MACF1: variants seen among roughly 807,000 people sequenced by gnomAD.
The protein encoded by MACF1 is microtubule-actin cross-linking factor 1.
In MACF1, 193 loss-of-function variants were observed where a neutral mutation model predicts 854.8. The ratio of observed to expected loss-of-function variants is 0.23; its 90% CI spans 0.20 to 0.25. MACF1 has a LOEUF of 0.25. MACF1 is among the 10% of genes least tolerant of loss of function. The pLI, the probability that MACF1 is intolerant of heterozygous loss-of-function variation, is 1.00. For missense variants in MACF1, 7,722 were observed against 8,929.1 expected (o/e 0.86, Z 5.45); for synonymous variants, 3,185 against 3,226.7 (o/e 0.99, Z 0.44).
chr1:39,453,647 A>C (rs1381262716), intron 87 of MACF1, 60 bp from the exon 88 acceptor site: 1 of 1,487,074 alleles, frequency 6.7e-7, no homozygotes, highest in Non-Finnish European at 9.4e-7. Flanking sequence ...CTCAGTGTAA[A>C]CTAACAGTGC....
chr1:39,417,745 T>A (rs1483647373), intron 58 of MACF1, among the ~76,000 whole-genome samples: 4 of 110,196 alleles, frequency 3.6e-5, no homozygotes, highest in Non-Finnish European at 6.9e-5. Flanking sequence ...TTTTTTTTTT[T>A]TTTTGGATTT....
At chr1:39,442,598 C>T in intron 77 of MACF1, 31 bp downstream of exon 77, 1 of 1,613,040 alleles carries the variant, frequency 6.2e-7, no homozygotes, top group Non-Finnish European at 8.5e-7. Context: ...ATCTCTAACC[C>T]TATTGATTTG....
chr1:39,132,952 T>G (rs1643045696), intron 2 of MACF1, among the ~76,000 whole-genome samples: 1 of 152,192 alleles, frequency 6.6e-6, no homozygotes, highest in Non-Finnish European at 1.5e-5. Context: ...CCCCATAGGT[T>G]AGAAAAGCTC....
At chr1:39,263,905 C>G (rs1645198060) in intron 6 of MACF1, among the ~76,000 whole-genome samples, 1 of 151,486 alleles carries the variant, frequency 6.6e-6, no homozygotes, top group Non-Finnish European at 1.5e-5. Context: ...TCCCGAGTAG[C>G]TGGGGCTACA....
Position 39,293,573 on chromosome 1 carries a change from G to A in MACF1, c.2108G>A (p.Trp703Ter). The A allele has an allele frequency of 6.2e-7, 1 of 1,613,734 alleles. No individual in the cohort carries two copies. The highest frequency in any genetic ancestry group is 8.5e-7 in the Non-Finnish European group (1 of 1,179,786). Residue 703 changes from tryptophan (W) to a stop codon, truncating the protein, a stop_gained, in exon 18 of 101, where the codon TGG becomes TAG. Transcript: ENST00000564288. LOFTEE classifies it high-confidence loss of function. ...EKEEEELAYD[W>*]SDNNSNISAK... ...GAGGAGGAGGAACTAGCATATGACTGGAGTGACAACAATTCCAATATCTCA... is the reference window on the plus strand; with the variant it reads ...GAGGAGGAGGAACTAGCATATGACTAGAGTGACAACAATTCCAATATCTCA...
intron 58 of MACF1, among the ~76,000 whole-genome samples, chr1:39,404,428 G>A (rs768820048): frequency 2.4e-4 from 37 of 151,640 alleles, no homozygotes; most frequent in South Asian, 6.2e-4. Flanking sequence ...CCGAGATCGT[G>A]TCACTGCACC....
chr1:39,385,249 G>A (rs554288062), intron 56 of MACF1, among the ~76,000 whole-genome samples, 185 bp from the exon 57 acceptor site: 2 of 152,166 alleles, frequency 1.3e-5, no homozygotes, highest in African/African-American at 2.4e-5. Flanking sequence ...TGTATTTTTA[G>A]TAGAGACGGG....
At chr1:39,157,560 C>A (rs1431745246) in intron 2 of MACF1, among the ~76,000 whole-genome samples, 1 of 152,224 alleles carries the variant, frequency 6.6e-6, no homozygotes, top group Non-Finnish European at 1.5e-5. Context: ...ACTCAATTGA[C>A]AGCTCCTGAA....
At chr1:39,102,069 G>A (rs559727253) in intron 2 of MACF1, among the ~76,000 whole-genome samples, 57 of 151,672 alleles carry the variant, frequency 3.8e-4, no homozygotes, top group Admixed American at 6.6e-4. Flanking sequence ...CCAGCTACTC[G>A]GGAGGCTGAG....
At chr1:39,393,894 G>A (rs1642163308) in intron 58 of MACF1, among the ~76,000 whole-genome samples, 2 of 150,594 alleles carry the variant, frequency 1.3e-5, no homozygotes, top group Admixed American at 1.3e-4. Context: ...AAGAAAGGAA[G>A]GAAGGAAAGA....
chr1:39,371,394 G>A (rs1349169993), intron 51 of MACF1, among the ~76,000 whole-genome samples: 1 of 151,684 alleles, frequency 6.6e-6, no homozygotes. Flanking sequence ...TTTGAAATTA[G>A]GCAATATGAG....
intron 58 of MACF1, among the ~76,000 whole-genome samples, chr1:39,398,681 A>G (rs1203480492): frequency 6.6e-6 from 1 of 152,120 alleles, no homozygotes; most frequent in East Asian, 1.9e-4. Flanking sequence ...TTTTAAGAAA[A>G]TTAGTTAAGA....
At chr1:39,162,146 A>T (rs1021305433) in intron 2 of MACF1, among the ~76,000 whole-genome samples, 1 of 151,728 alleles carries the variant, frequency 6.6e-6, no homozygotes, top group Admixed American at 6.6e-5. Context: ...GATTACAGGC[A>T]TGAGCCACTG....
intron 20 of MACF1, among the ~76,000 whole-genome samples, chr1:39,297,400 G>A (rs988772383): frequency 1.3e-5 from 2 of 152,124 alleles, no homozygotes; most frequent in Non-Finnish European, 2.9e-5. Context: ...CTAACTTTTC[G>A]GTAGGGTAGG....
chr1:39,151,234 A>C (rs1241165662), intron 2 of MACF1, among the ~76,000 whole-genome samples: 1 of 152,210 alleles, frequency 6.6e-6, no homozygotes, highest in South Asian at 2.1e-4. Context: ...TTCAAATAAA[A>C]CAGCGATCAA....
At chr1:39,294,128 A>T (rs990081021) in intron 18 of MACF1, among the ~76,000 whole-genome samples, 1 of 152,202 alleles carries the variant, frequency 6.6e-6, no homozygotes, top group African/African-American at 2.4e-5. Flanking sequence ...GTATTGTTCA[A>T]CTGGGATATA....
chr1:39,252,108 C>G (rs939280145), intron 4 of MACF1, among the ~76,000 whole-genome samples, 167 bp downstream of exon 4: 1 of 152,170 alleles, frequency 6.6e-6, no homozygotes, highest in Non-Finnish European at 1.5e-5. Context: ...CTAATTGTGC[C>G]TTTTGTCACT....
intron 37 of MACF1, 105 bp downstream of exon 37, chr1:39,336,758 A>G (rs1646817162): frequency 1.9e-6 from 2 of 1,049,636 alleles, no homozygotes; most frequent in East Asian, 5.2e-5. Context: ...GTATGCCTCT[A>G]TACATTTTAA....
intron 2 of MACF1, among the ~76,000 whole-genome samples, chr1:39,198,695 C>T (rs1644353483): frequency 6.7e-6 from 1 of 149,840 alleles, no homozygotes; most frequent in Non-Finnish European, 1.5e-5. Flanking sequence ...CGTGGTGGCA[C>T]ACACCTGTAG....
Sources: gnomAD v4.1 joint callset for allele counts (sites outside exome capture counted in the v4.1 genomes callset) on GRCh38, gnomAD v4.1.1 for gene constraint, MANE v1.5 for transcripts, NCBI Gene and HGNC (gene_info 2026-07-23, HGNC 2026-07-21) for gene names.